Variants in GRB14 observed in about 807,000 individuals in gnomAD.
GRB14 encodes the protein growth factor receptor bound protein 14, also known as growth factor receptor-bound protein 14.
GRB14 carries 38 observed loss-of-function variants against 69.1 expected under a neutral mutation model. That is an observed-to-expected ratio of 0.55 (90% CI 0.42 to 0.72). GRB14 has a LOEUF of 0.72. Among genes scored for constraint, GRB14 ranks in the 30% least tolerant of loss-of-function variants. The probability of loss-of-function intolerance (pLI) is 0.00; values close to 1 mark genes in which losing one functional copy is unlikely to be tolerated. For missense variants in GRB14, 666 were observed against 666.1 expected (o/e 1.00, Z 0.00); for synonymous variants, 247 against 241.3 (o/e 1.02, Z -0.22).
chr2:164,584,622 G>C (rs1319113662), intron 2 of GRB14, among the ~76,000 whole-genome samples: 1 of 151,806 alleles, frequency 6.6e-6, no homozygotes, highest in Admixed American at 6.6e-5. Context: ...CTTAAGTACT[G>C]TTCTCCTAAA....
chr2:164,542,284 G>A (rs969051685), intron 3 of GRB14, among the ~76,000 whole-genome samples: 2 of 152,008 alleles, frequency 1.3e-5, no homozygotes, highest in African/African-American at 2.4e-5. Context: ...AGCTCAGGAC[G>A]GATTAAAGAT....
At chr2:164,503,040 G>T (rs1421095145) in intron 8 of GRB14, among the ~76,000 whole-genome samples, 2 of 151,752 alleles carry the variant, frequency 1.3e-5, no homozygotes, top group Non-Finnish European at 2.9e-5. Context: ...TTGGAAAACC[G>T]GTCTGGATTA....
chr2:164,598,833 T>C (rs1261624008), intron 2 of GRB14, among the ~76,000 whole-genome samples: 1 of 152,196 alleles, frequency 6.6e-6, no homozygotes, highest in East Asian at 1.9e-4. Context: ...TTCTCCAAGT[T>C]TCCTTCCAGT....
At position 164,595,896 on chromosome 2, in the gene GRB14, C is replaced by T. The variant is rs140779698; in HGVS notation, c.324+23791G>A. Among the ~76,000 whole-genome samples the T allele has an allele frequency of 3.0e-3, 461 of 152,190 alleles. 3 individuals carry two copies. The highest frequency in any genetic ancestry group is 0.01 in the African/African-American group (434 of 41,530). ...ATCCCAGCACTTTGGGAGGCCAAGGCGGGCGAATGACAAGATCAGGAGATC... is the reference window on the plus strand; with the variant it reads ...ATCCCAGCACTTTGGGAGGCCAAGGTGGGCGAATGACAAGATCAGGAGATC... On this transcript the variant is annotated intron_variant, in intron 2 of 13. Coordinates refer to ENST00000263915, the MANE Select transcript of GRB14 (RefSeq NM_004490.3).
At chr2:164,608,126 C>G (rs1425853128) in intron 2 of GRB14, among the ~76,000 whole-genome samples, 1 of 152,138 alleles carries the variant, frequency 6.6e-6, no homozygotes, top group Non-Finnish European at 1.5e-5. Flanking sequence ...AATCCCAGTA[C>G]TTTGGGAGGC....
At chr2:164,604,387 T>G (rs139913993) in intron 2 of GRB14, among the ~76,000 whole-genome samples, 1 of 152,214 alleles carries the variant, frequency 6.6e-6, no homozygotes, top group African/African-American at 2.4e-5. Flanking sequence ...GTGATTTATA[T>G]TTATTCATAT....
At chr2:164,526,574 C>A (rs61261610) in intron 4 of GRB14, among the ~76,000 whole-genome samples, 4,603 of 152,030 alleles carry the variant, frequency 0.03, 226 homozygotes, top group African/African-American at 0.1. Context: ...CATTAGTCTG[C>A]TTTTACTTTA....
At chr2:164,510,424 C>T (rs931282304) in intron 6 of GRB14, among the ~76,000 whole-genome samples, 1 of 152,146 alleles carries the variant, frequency 6.6e-6, no homozygotes, top group Non-Finnish European at 1.5e-5. Context: ...TGGAGAGAAG[C>T]GTACTTAGAG....
chr2:164,583,372 A>AG lies in GRB14; in HGVS notation c.325-35557dup, dbSNP rs1312054529. ...GAATCAACAGTTGTAAAAAGAAGTT[A>AG]GGGGGGAGGTAGAACAGTGAAAAAA... On this transcript the variant is annotated intron_variant, in intron 2 of 13. Transcript: ENST00000263915. Among the ~76,000 whole-genome samples the AG allele has an allele frequency of 3.9e-5, 6 of 152,208 alleles. No homozygotes were observed. In the South Asian group the frequency reaches 6.2e-4, roughly 16 times the overall value.
chr2:164,618,820 G>A (rs1239132377), intron 2 of GRB14, among the ~76,000 whole-genome samples: 1 of 152,132 alleles, frequency 6.6e-6, no homozygotes, highest in Non-Finnish European at 1.5e-5. Context: ...CAACTGTCTT[G>A]TCCTCGCTGT....
intron 6 of GRB14, among the ~76,000 whole-genome samples, chr2:164,520,318 A>C (rs1687606167): frequency 6.6e-6 from 1 of 152,146 alleles, no homozygotes; most frequent in Non-Finnish European, 1.5e-5. Context: ...GAAGAATGAA[A>C]GTGGATCCTT....
At chr2:164,529,803 T>C (rs138819792) in intron 3 of GRB14, among the ~76,000 whole-genome samples, 597 of 152,338 alleles carry the variant, frequency 3.9e-3, no homozygotes, top group African/African-American at 0.013. Context: ...TGTGTATGAA[T>C]GTGAACCCTG....
intron 2 of GRB14, among the ~76,000 whole-genome samples, chr2:164,561,145 T>G (rs749254748): frequency 1.3e-5 from 2 of 152,050 alleles, no homozygotes; most frequent in Non-Finnish European, 2.9e-5. Context: ...CAGTACAGTG[T>G]GCAAAATCAT....
Position 164,508,761 on chromosome 2 carries a change from T to A in GRB14, c.908A>T (p.Asn303Ile). The change falls in exon 7 of 14, where the codon AAC becomes ATC. Residue 303 changes from asparagine (N) to isoleucine (I), a missense_variant. By Grantham distance (149) the Asn-to-Ile change is moderately radical. Coordinates refer to ENST00000263915, the MANE Select transcript of GRB14 (RefSeq NM_004490.3). Reference sequence around the variant, plus strand: ...CTGTACCTTAAAGCAGAATCCATAGTTAGTCGGTGCTCCATGTTTTTTTTT... The same window carrying A: ...CTGTACCTTAAAGCAGAATCCATAGATAGTCGGTGCTCCATGTTTTTTTTT... ...AGKKKHGAPTNYGFCFKPNKA... is the reference protein window; with the variant it reads ...AGKKKHGAPTIYGFCFKPNKA... 6.3e-7 allele frequency: 1 copy of A among 1,587,506 alleles called. No individual in the cohort carries two copies. The highest frequency in any genetic ancestry group is 1.2e-5 in the South Asian group (1 of 84,420).
rs1689359340 is a variant in GRB14, at chr2:164,580,095, CA to C, written c.325-32280del. ...TTATTTCTAGTAGCATTCTATGATA[CA>C]TTTTTTTTTTTTTTTTGAGACAGAG... is the stretch of plus-strand genomic sequence containing the variant. On this transcript the variant is annotated intron_variant, in intron 2 of 13. Transcript: ENST00000263915. Among the ~76,000 whole-genome samples the C allele has an allele frequency of 1.2e-3, 58 of 47,916 alleles. No homozygotes were observed. The South Asian group carries it at 0.05, about 41-fold the overall frequency. The allele number at this position is 47,916 out of a possible 152,430, so 31.4% of individuals were successfully genotyped here.
chr2:164,609,057 CTT>C (rs1690106814), intron 2 of GRB14, among the ~76,000 whole-genome samples: 1 of 152,116 alleles, frequency 6.6e-6, no homozygotes, highest in African/African-American at 2.4e-5. Context: ...ATCTTGAAAA[CTT>C]TGGTAGTCCC....
chr2:164,563,298 G>A (rs1007201175), intron 2 of GRB14, among the ~76,000 whole-genome samples: 2 of 152,146 alleles, frequency 1.3e-5, no homozygotes, highest in African/African-American at 4.8e-5. Context: ...TGTCTAATAT[G>A]TCCAAGGCAC....
At chr2:164,601,892 A>T (rs1689921777) in intron 2 of GRB14, among the ~76,000 whole-genome samples, 1 of 151,966 alleles carries the variant, frequency 6.6e-6, no homozygotes, top group African/African-American at 2.4e-5. Flanking sequence ...TTTAATTATT[A>T]TAATTTTACA....
intron 3 of GRB14, among the ~76,000 whole-genome samples, chr2:164,536,648 G>A (rs575192954): frequency 1.6e-4 from 25 of 152,002 alleles, no homozygotes; most frequent in East Asian, 1.5e-3. Flanking sequence ...TTATTCAATC[G>A]TCACCACAAC....
Sources: allele counts gnomAD v4.1 joint callset (sites outside exome capture counted in the v4.1 genomes callset), GRCh38; gene constraint gnomAD v4.1.1; transcripts MANE v1.5; gene names NCBI Gene and HGNC (gene_info 2026-07-23, HGNC 2026-07-21).